TANC1: variants seen among roughly 807,000 people sequenced by gnomAD.
TANC1 encodes the protein tetratricopeptide repeat, ankyrin repeat and coiled-coil containing 1.
A neutral mutation model predicts 149.7 loss-of-function variants in TANC1; 77 were observed. That is an observed-to-expected ratio of 0.51 (90% CI 0.43 to 0.62). TANC1 has a LOEUF of 0.62. Among genes scored for constraint, TANC1 ranks in the 20% least tolerant of loss-of-function variants. TANC1 has a pLI of 0.00. For missense variants in TANC1, 1,985 were observed against 2,321.8 expected, an observed-to-expected ratio of 0.85 and a Z score of 2.98; for synonymous variants, 854 against 925.0, an observed-to-expected ratio of 0.92 and a Z score of 1.39.
intron 3 of TANC1, among the ~76,000 whole-genome samples, chr2:159,095,298 G>A (rs2045981047): frequency 6.6e-6 from 1 of 152,210 alleles, no homozygotes; most frequent in Admixed American, 6.5e-5. Context: ...CATTTGGGCA[G>A]TGAGTGATAA....
In TANC1 at chr2:159,046,246, T is replaced by C. The variant is rs13390315; in HGVS notation, c.-15-19650T>C. 4.2e-3 allele frequency among the ~76,000 whole-genome samples: 637 copies of C among 152,358 alleles called. 3 individuals are homozygous for C. Among genetic ancestry groups the C allele is most frequent in the African/African-American group, 0.015 (618 of 41,582 alleles). ...GTTTTGTGGTTTTAGACTGCGTCTCTCTTTTGCAAATTCCTTTTCTGTGAA... is the reference window on the plus strand; with the variant it reads ...GTTTTGTGGTTTTAGACTGCGTCTCCCTTTTGCAAATTCCTTTTCTGTGAA... On this transcript the variant is annotated intron_variant, in intron 2 of 26. Transcript: ENST00000263635.
At chr2:159,031,875 G>C (rs564539213) in intron 2 of TANC1, among the ~76,000 whole-genome samples, 22 of 152,298 alleles carry the variant, frequency 1.4e-4, no homozygotes, top group African/African-American at 5.1e-4. Context: ...ATACAGATTA[G>C]ATTCCAAAGT....
rs5835731 is a variant in TANC1, at chr2:159,082,371, T to TA, written c.62-15252dup. The stretch of plus-strand genomic sequence containing the variant: ...TTTAAAATACATGTTTTAAACTTGT[T>TA]AAAAAAAAAAAAAAGACGGTGCTTA... On this transcript the variant is annotated intron_variant, in intron 3 of 26. Coordinates refer to ENST00000263635, the MANE Select transcript of TANC1 (RefSeq NM_033394.3). 6.7e-3 allele frequency among the ~76,000 whole-genome samples: 1,000 copies of TA among 148,212 alleles called. 6 individuals are homozygous for TA. Among genetic ancestry groups the TA allele is most frequent in the Admixed American group, 0.01 (152 of 14,936 alleles).
At chr2:159,107,378 T>C (rs911999509) in intron 4 of TANC1, among the ~76,000 whole-genome samples, 1 of 152,148 alleles carries the variant, frequency 6.6e-6, no homozygotes, top group African/African-American at 2.4e-5. Flanking sequence ...GGTTTTAAAT[T>C]TATTATTAGT....
chr2:159,151,837 A>T (rs1158400734), intron 7 of TANC1, among the ~76,000 whole-genome samples: 1 of 152,160 alleles, frequency 6.6e-6, no homozygotes, highest in Non-Finnish European at 1.5e-5. Flanking sequence ...TTCATTCTTT[A>T]TTAAGATGAA....
chr2:159,213,467 C>G (rs2059136968), intron 19 of TANC1, among the ~76,000 whole-genome samples: 1 of 151,364 alleles, frequency 6.6e-6, no homozygotes, highest in African/African-American at 2.4e-5. Flanking sequence ...GACATAAATA[C>G]CATTCTGCTA....
chr2:159,042,009 T>C (rs945428777), intron 2 of TANC1, among the ~76,000 whole-genome samples: 6 of 152,182 alleles, frequency 3.9e-5, no homozygotes, highest in African/African-American at 1.4e-4. Context: ...AGGGTTCTCC[T>C]CTGTGCTTGG....
chr2:159,056,857 C>T (rs183143700), intron 2 of TANC1: 9 of 324,890 alleles, frequency 2.8e-5, no homozygotes, highest in African/African-American at 1.9e-4. Flanking sequence ...TGGCTTCAAT[C>T]ATAGGAGTTT....
chr2:159,094,791 C>G (rs2045928472), intron 3 of TANC1, among the ~76,000 whole-genome samples: 1 of 148,818 alleles, frequency 6.7e-6, no homozygotes. Flanking sequence ...GGGGTGGGGG[C>G]CAGCCTGGGG....
intron 2 of TANC1, among the ~76,000 whole-genome samples, chr2:159,050,368 A>G (rs1204694705): frequency 6.6e-6 from 1 of 152,184 alleles, no homozygotes; most frequent in Non-Finnish European, 1.5e-5. Context: ...TACAGGTGTG[A>G]GCCACCACAC....
chr2:159,041,739 C>A (rs1053837957), intron 2 of TANC1, among the ~76,000 whole-genome samples: 2 of 152,214 alleles, frequency 1.3e-5, no homozygotes, highest in African/African-American at 2.4e-5. Context: ...CTTGTACTTC[C>A]TGGGTGAGGT....
chr2:159,093,782 A>G (rs931688562), intron 3 of TANC1, among the ~76,000 whole-genome samples: 2 of 149,176 alleles, frequency 1.3e-5, no homozygotes, highest in Non-Finnish European at 1.5e-5. Context: ...TGCAGCCTGC[A>G]TAAAATCATA....
chr2:159,197,444 A>G (rs1440614398), intron 18 of TANC1, among the ~76,000 whole-genome samples: 2 of 152,202 alleles, frequency 1.3e-5, no homozygotes, highest in South Asian at 2.1e-4. Flanking sequence ...ATTATCTTCA[A>G]GCAATTAGAG....
intron 2 of TANC1, among the ~76,000 whole-genome samples, chr2:159,062,640 A>G (rs1260863507): frequency 3.3e-5 from 5 of 152,148 alleles, no homozygotes; most frequent in African/African-American, 9.7e-5. Context: ...CATGTCTTAA[A>G]TGGATGAGAC....
At chr2:159,155,420 A>G (rs957368393) in intron 7 of TANC1, among the ~76,000 whole-genome samples, 1 of 152,166 alleles carries the variant, frequency 6.6e-6, no homozygotes, top group Non-Finnish European at 1.5e-5. Context: ...TGAGATGTGT[A>G]ATCTCCGGAG....
At chr2:158,993,218 C>T (rs1427016815) in intron 1 of TANC1, among the ~76,000 whole-genome samples, 1 of 152,260 alleles carries the variant, frequency 6.6e-6, no homozygotes, top group African/African-American at 2.4e-5. Flanking sequence ...GTTCAGTTCT[C>T]CTAACCCCAG....
At chr2:159,010,970 G>A (rs1384474593) in intron 2 of TANC1, among the ~76,000 whole-genome samples, 1 of 152,062 alleles carries the variant, frequency 6.6e-6, no homozygotes, top group Admixed American at 6.5e-5. Context: ...CCGTTGTGAA[G>A]AGCTGAGGAT....
At chr2:158,992,804 G>A (rs1297287836) in intron 1 of TANC1, among the ~76,000 whole-genome samples, 3 of 151,780 alleles carry the variant, frequency 2.0e-5, no homozygotes, top group Non-Finnish European at 4.4e-5. Flanking sequence ...ACAGGCATGA[G>A]CCACCGCTCC....
At chr2:159,180,150 A>G (rs540491495) in intron 14 of TANC1, among the ~76,000 whole-genome samples, 424 of 152,238 alleles carry the variant, frequency 2.8e-3, no homozygotes, top group Admixed American at 4.4e-3. Context: ...GCTGCTGTTC[A>G]TGTTGGGGCT....
Sources: gnomAD v4.1 joint callset for allele counts (sites outside exome capture counted in the v4.1 genomes callset) on GRCh38, gnomAD v4.1.1 for gene constraint, MANE v1.5 for transcripts, NCBI Gene and HGNC (gene_info 2026-07-23, HGNC 2026-07-21) for gene names.